Variants in IL13RA1 observed in about 807,000 individuals in gnomAD.
The protein encoded by IL13RA1 is interleukin 13 receptor subunit alpha 1.
Under a neutral mutation model 33.8 loss-of-function variants are expected in IL13RA1, and 14 were observed. The observed-to-expected ratio is 0.41, with a 90% confidence interval of 0.27 to 0.65. The LOEUF is 0.65. Ranked by LOEUF, IL13RA1 falls within the 30% of genes least tolerant of loss-of-function variation. IL13RA1 has a pLI of 0.28. For missense variants in IL13RA1, 313 were observed against 327.0 expected, an observed-to-expected ratio of 0.96 and a Z score of 0.33; for synonymous variants, 116 against 115.7, an observed-to-expected ratio of 1.00 and a Z score of -0.02.
intron 1 of IL13RA1, among the ~76,000 whole-genome samples, chrX:118,737,611 T>G (rs1218481904): frequency 8.9e-6 from 1 of 112,026 alleles, no homozygotes; most frequent in Non-Finnish European, 1.9e-5. Context: ...AGTTAGAAGA[T>G]CTGACCAAAG....
intron 3 of IL13RA1, 24 bp downstream of exon 3, chrX:118,747,116 T>A: frequency 9.7e-7 from 1 of 1,026,417 alleles, no homozygotes; most frequent in Non-Finnish European, 1.4e-6. Flanking sequence ...GCGCTATCTC[T>A]TGGTGTTTAG....
At chrX:118,739,998 TGGCATGATCTTGGCTCACTGCAGC>T (rs1038311123) in intron 1 of IL13RA1, among the ~76,000 whole-genome samples, 8 of 112,160 alleles carry the variant, frequency 7.1e-5, no homozygotes, top group Non-Finnish European at 1.1e-4. Context: ...TAGAGTGCAG[TGGCATGATCTTGGCTCACTGCAGC>T]GGCATGATCT....
intron 2 of IL13RA1, among the ~76,000 whole-genome samples, chrX:118,744,748 A>G (rs1007986108): frequency 1.8e-5 from 2 of 111,726 alleles, no homozygotes; most frequent in East Asian, 5.6e-4. Flanking sequence ...CCATTGTGAT[A>G]ATTTTTGTGT....
In IL13RA1 at chrX:118,738,145, T is replaced by C. The variant is rs984715875; in HGVS notation, c.89-2872T>C. Reference sequence around the variant, plus strand: ...AATTCTTTGTTTCCACAAGGCCTTGTCCTGCTGTGGGCTGCTCCTTCCCAC... The same window carrying C: ...AATTCTTTGTTTCCACAAGGCCTTGCCCTGCTGTGGGCTGCTCCTTCCCAC... On this transcript the variant is annotated intron_variant, in intron 1 of 10. Transcript: ENST00000371666. 3.6e-5 allele frequency: 4 copies of C among 112,435 alleles called. No homozygotes were observed. The Admixed American group carries it at 3.8e-4, about 11-fold the overall frequency. The allele number at this position is 112,435 out of a possible 1,213,427, so 9.3% of individuals were successfully genotyped here. A position where few individuals can be genotyped will look rare whatever the true frequency, so the allele number is the denominator to read the frequency against.
intron 2 of IL13RA1, among the ~76,000 whole-genome samples, chrX:118,743,128 T>C (rs1193743068): frequency 8.9e-6 from 1 of 111,801 alleles, no homozygotes; most frequent in African/African-American, 3.3e-5. Context: ...CAGTCAGTGA[T>C]AGGAGATATC....
intron 10 of IL13RA1, among the ~76,000 whole-genome samples, chrX:118,779,731 G>A (rs1340367551): frequency 1.8e-5 from 2 of 111,918 alleles, no homozygotes; most frequent in Non-Finnish European, 3.8e-5. Flanking sequence ...CTTGAACTTA[G>A]GTGGTAGCAG....
rs184297874 is a variant in IL13RA1 at position 118,770,512 on chromosome X, G to A, written c.1010-3367G>A. 2.9e-3 allele frequency: 1,565 copies of A among 532,332 alleles called. 2 individuals carry two copies. Among genetic ancestry groups the A allele is most frequent in the Non-Finnish European group, 3.7e-3 (1,156 of 308,433 alleles). 43.9% of individuals were successfully genotyped at this position (532,332 alleles called of 1,213,427 possible). A position where few individuals can be genotyped will look rare whatever the true frequency, so the allele number is the denominator to read the frequency against. On this transcript the variant is annotated intron_variant, in intron 8 of 10. Coordinates refer to ENST00000371666, the MANE Select transcript of IL13RA1 (RefSeq NM_001560.3). The stretch of plus-strand genomic sequence containing the variant: ...GCTCAGCCCCATCCCCAACAACAAC[G>A]GCTTCATCAACCAGGACTTCGTGGT...
At chrX:118,774,152 C>CTTTT (rs749517738) in intron 9 of IL13RA1, among the ~76,000 whole-genome samples, 177 bp downstream of exon 9, 2 of 95,363 alleles carry the variant, frequency 2.1e-5, no homozygotes, top group Non-Finnish European at 4.2e-5. Flanking sequence ...CTTTTCTTTT[C>CTTTT]TTTTTTTTTT....
At chrX:118,783,755 T>C (rs1255240864) in intron 10 of IL13RA1, among the ~76,000 whole-genome samples, 1 of 100,920 alleles carries the variant, frequency 9.9e-6, no homozygotes, top group Non-Finnish European at 2.0e-5. Flanking sequence ...AAATCCATAT[T>C]ACACACACAC....
At chrX:118,772,198 A>G (rs898036244) in intron 8 of IL13RA1, among the ~76,000 whole-genome samples, 2 of 112,504 alleles carry the variant, frequency 1.8e-5, no homozygotes, top group Non-Finnish European at 3.8e-5. Flanking sequence ...CTTTGAGGGA[A>G]AGTAATTTCC....
chrX:118,800,824 T>G, the IL13RA1 span, among the ~76,000 whole-genome samples: 42 of 111,983 alleles, frequency 3.8e-4, no homozygotes, highest in African/African-American at 1.4e-3. Context: ...CTCACTTTTA[T>G]CATGCAGGCT....
At chrX:118,777,090 G>T (rs2017795187) in intron 10 of IL13RA1, among the ~76,000 whole-genome samples, 1 of 108,374 alleles carries the variant, frequency 9.2e-6, no homozygotes, top group Admixed American at 1.0e-4. Context: ...TCTCTTTCCA[G>T]AAATTTTTCA....
At chrX:118,753,544 G>A (rs1181637338) in intron 4 of IL13RA1, among the ~76,000 whole-genome samples, 1 of 111,827 alleles carries the variant, frequency 8.9e-6, no homozygotes, top group Non-Finnish European at 1.9e-5. Flanking sequence ...ACTTTTTTTT[G>A]CGATAGGGTC....
At chrX:118,802,951 A>G in the IL13RA1 span, among the ~76,000 whole-genome samples, 1 of 111,489 alleles carries the variant, frequency 9.0e-6, no homozygotes, top group African/African-American at 3.3e-5. Flanking sequence ...GGAGGCTACT[A>G]CTTTCTTTTA....
At chrX:118,754,335 A>G (rs1230447179) in intron 4 of IL13RA1, among the ~76,000 whole-genome samples, 1 of 111,447 alleles carries the variant, frequency 9.0e-6, no homozygotes, top group Non-Finnish European at 1.9e-5. Flanking sequence ...TGCTCAATCC[A>G]TAATAGCTAT....
chrX:118,737,134 T>G (rs1003258915), intron 1 of IL13RA1, among the ~76,000 whole-genome samples: 9 of 112,200 alleles, frequency 8.0e-5, no homozygotes, highest in African/African-American at 2.9e-4. Context: ...GAAGCAGCAA[T>G]CAGTAATCAG....
chrX:118,761,340 A>G, intron 6 of IL13RA1, 51 bp downstream of exon 6: 1 of 559,782 alleles, frequency 1.8e-6, no homozygotes, highest in Non-Finnish European at 2.8e-6. Flanking sequence ...TTTTACTTGA[A>G]TTTCTTACAT....
At position 118,749,662 on chromosome X, in the gene IL13RA1, T is replaced by A; in HGVS notation, c.372T>A (p.Asp124Glu). 8.3e-7 allele frequency: 1 copy of A among 1,208,064 alleles called. No individual in the cohort carries two copies. The highest frequency in any genetic ancestry group is 3.0e-5 in the East Asian group (1 of 33,828). The part of the protein sequence containing the change: ...VEKCISPPEG[D>E]PESAVTELQC... ...CTCTTGGCCTGGATATTCTAGGTGA[T>A]CCTGAGTCTGCTGTGACTGAGCTTC... Residue 124 changes from aspartate to glutamate, a missense_variant, in exon 4 of 11, where the codon GAT (aspartate) becomes GAA (glutamate). Transcript: ENST00000371666.
the IL13RA1 span, among the ~76,000 whole-genome samples, chrX:118,801,520 A>G: frequency 9.0e-6 from 1 of 111,724 alleles, no homozygotes; most frequent in Non-Finnish European, 1.9e-5. Flanking sequence ...CTGATTCTGT[A>G]ATTTTCGTAT....
Sources: gnomAD v4.1 joint callset for allele counts (sites outside exome capture counted in the v4.1 genomes callset) on GRCh38, gnomAD v4.1.1 for gene constraint, MANE v1.5 for transcripts, NCBI Gene and HGNC (gene_info 2026-07-23, HGNC 2026-07-21) for gene names.